ABCB4: variants seen among roughly 807,000 people sequenced by gnomAD.
The protein encoded by ABCB4 is ATP binding cassette subfamily B member 4.
Under a neutral mutation model 145.7 loss-of-function variants are expected in ABCB4, and 76 were observed. The ratio of observed to expected loss-of-function variants is 0.52; its 90% CI spans 0.43 to 0.63. ABCB4 has a LOEUF of 0.63. Among genes scored for constraint, ABCB4 ranks in the 30% least tolerant of loss-of-function variants. ABCB4 has a pLI of 0.00. For missense variants in ABCB4, 1,234 were observed against 1,553.1 expected, an observed-to-expected ratio of 0.79 and a Z score of 3.45; for synonymous variants, 517 against 566.8, an observed-to-expected ratio of 0.91 and a Z score of 1.25.
At chr7:87,442,638 A>G (rs1377591923) in intron 12 of ABCB4, among the ~76,000 whole-genome samples, 1 of 152,130 alleles carries the variant, frequency 6.6e-6, no homozygotes. Flanking sequence ...ACACACACAC[A>G]CACATAAACA....
At chr7:87,375,687 G>T in the ABCB4 span, 2 of 1,613,458 alleles carry the variant, frequency 1.2e-6, no homozygotes, top group South Asian at 1.1e-5. Flanking sequence ...ACCTGGGATT[G>T]CAGCATTAAC....
At chr7:87,471,204 G>A (rs1187814624) in intron 3 of ABCB4, among the ~76,000 whole-genome samples, 1 of 151,784 alleles carries the variant, frequency 6.6e-6, no homozygotes, top group African/African-American at 2.4e-5. Context: ...ATCACACACC[G>A]GGGCCTATTG....
chr7:87,439,552 T>G, intron 14 of ABCB4, 115 bp downstream of exon 14: 8 of 1,203,426 alleles, frequency 6.6e-6, no homozygotes, highest in Non-Finnish European at 7.4e-6. Context: ...TACAGCTCCA[T>G]GAGGTAGCTC....
chr7:87,413,317 T>C (rs1161709851), intron 22 of ABCB4, among the ~76,000 whole-genome samples: 1 of 152,232 alleles, frequency 6.6e-6, no homozygotes, highest in African/African-American at 2.4e-5. Context: ...ATGTTTGTCT[T>C]AAGTCACCCA....
At position 87,418,715 on chromosome 7, in the gene ABCB4, T is replaced by C. The variant is rs529359093; in HGVS notation, c.2395-95A>G. The C allele has an allele frequency of 2.4e-5, 28 of 1,166,390 alleles. No individual in the cohort carries two copies. In the African/African-American group the frequency reaches 3.2e-4, roughly 13 times the overall value. The allele number at this position is 1,166,390 out of a possible 1,614,324, so 72.3% of individuals were successfully genotyped here. A position where few individuals can be genotyped will look rare whatever the true frequency, so the allele number is the denominator to read the frequency against. ...CCAAAGCTCCAATGCTGAGGAAATT[T>C]AGGGGAGACCTCATATGCAGTGTAG... On this transcript the variant is annotated intron_variant, in intron 19 of 27. Transcript: ENST00000649586.
At chr7:87,403,330 A>C (rs1562946716) in intron 26 of ABCB4, 49 bp from the exon 27 acceptor site, 1 of 1,533,494 alleles carries the variant, frequency 6.5e-7, no homozygotes. Context: ...GTTGCTTAAC[A>C]GTTGACAGTT....
At chr7:87,469,342 A>G (rs1813187953) in intron 3 of ABCB4, among the ~76,000 whole-genome samples, 1 of 152,234 alleles carries the variant, frequency 6.6e-6, no homozygotes, top group South Asian at 2.1e-4. Context: ...CACCACTCCT[A>G]TTCAACATAG....
intron 3 of ABCB4, among the ~76,000 whole-genome samples, chr7:87,472,245 G>T (rs895365127): frequency 6.6e-6 from 1 of 152,092 alleles, no homozygotes; most frequent in Non-Finnish European, 1.5e-5. Context: ...TTGAGACAGG[G>T]TCTTGCTCTG....
intron 3 of ABCB4, 61 bp downstream of exon 3, chr7:87,472,560 T>C: frequency 7.1e-7 from 1 of 1,407,738 alleles, no homozygotes; most frequent in South Asian, 1.2e-5. Context: ...AGGTAATTGA[T>C]TCAATACCTC....
chr7:87,395,302 T>G, the ABCB4 span, among the ~76,000 whole-genome samples: 1 of 152,224 alleles, frequency 6.6e-6, no homozygotes, highest in South Asian at 2.1e-4. Flanking sequence ...CTGGCTGTGC[T>G]GGCAGCTGAT....
At chr7:87,471,003 T>C (rs1158611952) in intron 3 of ABCB4, among the ~76,000 whole-genome samples, 1 of 151,942 alleles carries the variant, frequency 6.6e-6, no homozygotes, top group African/African-American at 2.4e-5. Context: ...ATTAAGAAAA[T>C]GTGGCACATA....
chr7:87,433,703 C>G (rs986165777), intron 14 of ABCB4, among the ~76,000 whole-genome samples: 1 of 143,270 alleles, frequency 7.0e-6, no homozygotes, highest in African/African-American at 2.6e-5. Context: ...TTCAGAGCTC[C>G]CAGACACCCT....
intron 26 of ABCB4, chr7:87,403,492 TTAAAA>T: frequency 1.8e-6 from 1 of 564,442 alleles, no homozygotes; most frequent in Non-Finnish European, 3.1e-6. Flanking sequence ...TTAACTTTCT[TTAAAA>T]TAGGAGGAGG....
the ABCB4 span, chr7:87,391,479 G>A: frequency 3.8e-6 from 4 of 1,058,272 alleles, 1 homozygote; most frequent in Middle Eastern, 3.0e-4. Context: ...ACCTATCTGT[G>A]TTAAAGGGCT....
At chr7:87,372,774 TG>T in the ABCB4 span, among the ~76,000 whole-genome samples, 4 of 152,308 alleles carry the variant, frequency 2.6e-5, no homozygotes, top group African/African-American at 9.6e-5. Context: ...TGTTTTAGCA[TG>T]TATGAATACT....
chr7:87,472,577 G>C, intron 3 of ABCB4, 44 bp downstream of exon 3: 1 of 1,500,320 alleles, frequency 6.7e-7, no homozygotes, highest in African/African-American at 1.4e-5. Flanking sequence ...CCTCAAATTT[G>C]AATAAAAGGT....
intron 10 of ABCB4, 146 bp downstream of exon 10, chr7:87,444,715 AC>A: frequency 4.9e-6 from 3 of 607,180 alleles, no homozygotes; most frequent in Non-Finnish European, 8.6e-6. Flanking sequence ...TTTATTACTA[AC>A]AGGTCATTCA....
rs45579936 is a variant in ABCB4 at position 87,422,632 on chromosome 7, A to G, written c.2212-407T>C. ...ACTGTGAGTGGTTGCACATTTTAGC[A>G]TTTGTTCCTCTTCCTATATGTCCCT... is the stretch of plus-strand genomic sequence containing the variant. On this transcript the variant is annotated intron_variant, in intron 17 of 27. Coordinates refer to ENST00000649586, the MANE Select transcript of ABCB4 (RefSeq NM_000443.4). Among the ~76,000 whole-genome samples, 719 of 151,994 alleles carry G rather than the reference A, an allele frequency of 4.7e-3. 19 individuals carry two copies. Among genetic ancestry groups the G allele is most frequent in the Admixed American group, 0.04 (610 of 15,270 alleles).
At chr7:87,376,841 A>G in the ABCB4 span, among the ~76,000 whole-genome samples, 3 of 152,142 alleles carry the variant, frequency 2.0e-5, no homozygotes, top group Non-Finnish European at 4.4e-5. Context: ...TCTGTGAGGT[A>G]CACTGATATT....
Sources: allele counts gnomAD v4.1 joint callset (sites outside exome capture counted in the v4.1 genomes callset), GRCh38; gene constraint gnomAD v4.1.1; transcripts MANE v1.5; gene names NCBI Gene and HGNC (gene_info 2026-07-23, HGNC 2026-07-21).